SCNN1B: variants seen among roughly 807,000 people sequenced by gnomAD.
The protein encoded by SCNN1B is sodium channel epithelial 1 subunit beta.
SCNN1B carries 46 observed loss-of-function variants against 65.3 expected under a neutral mutation model. That is an observed-to-expected ratio of 0.70 (90% CI 0.56 to 0.90). SCNN1B has a LOEUF of 0.90. SCNN1B is among the 40% of genes least tolerant of loss of function. The probability of loss-of-function intolerance (pLI) is 0.00; values close to 1 mark genes in which losing one functional copy is unlikely to be tolerated. For synonymous variants in SCNN1B, 349 were observed against 330.6 expected (o/e 1.06, Z -0.60); for missense variants, 751 against 830.5 (o/e 0.90, Z 1.18).
rs1961560499 is a variant in SCNN1B, at chr16:23,320,294, G to A, written c.-9+17857G>A. Among the ~76,000 whole-genome samples the A allele has an allele frequency of 2.0e-5, 3 of 152,266 alleles. No homozygotes were observed. In the South Asian group the frequency reaches 6.2e-4, roughly 32 times the overall value. On this transcript the variant is annotated intron_variant, in intron 1 of 12. Coordinates refer to ENST00000343070, the MANE Select transcript of SCNN1B (RefSeq NM_000336.3). ...GCTAGTTAAAACCCAGAGGCCTCGG[G>A]GGAAGACTGAGGATTTCCCTTTCTA...
upstream of SCNN1B, among the ~76,000 whole-genome samples, chr16:23,297,896 G>A (rs1056353450): frequency 6.6e-6 from 1 of 152,142 alleles, no homozygotes; most frequent in Admixed American, 6.6e-5. Flanking sequence ...ATGAATGGAT[G>A]TTTGGTGTCC....
At chr16:23,369,278 T>A (rs1256351737) in intron 5 of SCNN1B, among the ~76,000 whole-genome samples, 1 of 152,010 alleles carries the variant, frequency 6.6e-6, no homozygotes, top group Admixed American at 6.5e-5. Context: ...GAGATAAGGT[T>A]TCATCCTGTT....
chr16:23,306,727 C>A (rs1182459269), intron 1 of SCNN1B, among the ~76,000 whole-genome samples: 2 of 152,106 alleles, frequency 1.3e-5, no homozygotes, highest in Non-Finnish European at 2.9e-5. Flanking sequence ...GCATTCCACA[C>A]AGTGGAAACA....
chr16:23,343,641 AAGAAAG>A (rs1168495500), intron 1 of SCNN1B, among the ~76,000 whole-genome samples: 2 of 135,518 alleles, frequency 1.5e-5, no homozygotes, highest in Non-Finnish European at 3.2e-5. Context: ...GAAAGAAAGA[AAGAAAG>A]AAAAAAAGAA....
intron 1 of SCNN1B, among the ~76,000 whole-genome samples, chr16:23,322,111 C>G (rs1458918767): frequency 6.6e-6 from 1 of 152,098 alleles, no homozygotes; most frequent in Non-Finnish European, 1.5e-5. Flanking sequence ...TGGAGCCTTC[C>G]AGATACAACA....
chr16:23,343,647 G>GAAAA (rs1217318770), intron 1 of SCNN1B, among the ~76,000 whole-genome samples: 1 of 110,036 alleles, frequency 9.1e-6, no homozygotes, highest in African/African-American at 3.8e-5. Flanking sequence ...AAGAAAGAAA[G>GAAAA]AAAAAAAGAA....
At chr16:23,373,212 G>A (rs1962821795) in intron 7 of SCNN1B, among the ~76,000 whole-genome samples, 1 of 152,164 alleles carries the variant, frequency 6.6e-6, no homozygotes, top group Non-Finnish European at 1.5e-5. Context: ...TCGAACTCTT[G>A]GATTCAAGCA....
chr16:23,371,404 T>C lies in SCNN1B; in HGVS notation c.986T>C (p.Ile329Thr), dbSNP rs1596882546. The change falls in exon 6 of 13, where the codon ATC becomes ACC. Residue 329 changes from isoleucine to threonine, a missense_variant. Coordinates refer to ENST00000343070, the MANE Select transcript of SCNN1B (RefSeq NM_000336.3). ...CACGAGCAGAGGTCATACCCCTTCA[T>C]CAGAGATGAGGGCATCTACGCCATG... ...MLHEQRSYPF[I>T]RDEGIYAMSG... The C allele has an allele frequency of 1.9e-6, 3 of 1,613,964 alleles. No homozygotes were observed. Among genetic ancestry groups the C allele is most frequent in the African/African-American group, 1.3e-5 (1 of 74,906 alleles).
chr16:23,360,702 T>C (rs1596872601), intron 4 of SCNN1B, among the ~76,000 whole-genome samples: 1 of 151,772 alleles, frequency 6.6e-6, no homozygotes, highest in Admixed American at 6.6e-5. Flanking sequence ...TTCAAGTGAT[T>C]ATCGTGTCTC....
chr16:23,356,379 C>A (rs1486600405), intron 4 of SCNN1B, among the ~76,000 whole-genome samples: 1 of 152,158 alleles, frequency 6.6e-6, no homozygotes, highest in African/African-American at 2.4e-5. Context: ...AATCCCAGCA[C>A]TTTGGGAGGC....
At chr16:23,360,451 A>AG (rs1286829968) in intron 4 of SCNN1B, among the ~76,000 whole-genome samples, 1 of 152,008 alleles carries the variant, frequency 6.6e-6, no homozygotes, top group African/African-American at 2.4e-5. Context: ...CTGGAGGCTG[A>AG]GGGGGAAGGA....
chr16:23,309,179 C>T (rs896199384), intron 1 of SCNN1B, among the ~76,000 whole-genome samples: 1 of 152,020 alleles, frequency 6.6e-6, no homozygotes, highest in African/African-American at 2.4e-5. Flanking sequence ...TGGTGGAGTT[C>T]CTAGAACTAT....
At position 23,378,599 on chromosome 16, in the gene SCNN1B, G is replaced by A. The variant is rs1356990593; in HGVS notation, c.1405-107G>A. The A allele has an allele frequency of 3.2e-6, 3 of 947,284 alleles. No individual in the cohort carries two copies. The African/African-American group carries it at 4.8e-5, about 15-fold the overall frequency. The allele number at this position is 947,284 out of a possible 1,614,324, so 58.7% of individuals were successfully genotyped here. A position where few individuals can be genotyped will look rare whatever the true frequency, so the allele number is the denominator to read the frequency against. On this transcript the variant is annotated intron_variant, in intron 10 of 12. Transcript: ENST00000343070. Reference sequence around the variant, plus strand: ...CATCCAAATTGTGATTCCCCCGGGGGCCTCAGGAAGGGACAGGGCTGTGGT... The same window carrying A: ...CATCCAAATTGTGATTCCCCCGGGGACCTCAGGAAGGGACAGGGCTGTGGT...
At chr16:23,287,420 C>T (rs991611622) in intron 2 of SCNN1B, among the ~76,000 whole-genome samples, 9 of 151,944 alleles carry the variant, frequency 5.9e-5, no homozygotes, top group African/African-American at 1.5e-4. Context: ...CGGGGAAATG[C>T]TAATATGAGG....
intron 4 of SCNN1B, among the ~76,000 whole-genome samples, chr16:23,363,324 C>G (rs914015979): frequency 6.6e-6 from 1 of 152,134 alleles, no homozygotes; most frequent in African/African-American, 2.4e-5. Context: ...GAAAGTGAGG[C>G]ACGAAGACGT....
chr16:23,305,999 T>G (rs1961210147), intron 1 of SCNN1B, among the ~76,000 whole-genome samples: 1 of 152,072 alleles, frequency 6.6e-6, no homozygotes. Flanking sequence ...TCCCAACACT[T>G]TGGGAGGCTG....
rs1567300423 is a variant in SCNN1B, at chr16:23,333,112, AGGGAG to A, written c.-8-15477_-8-15473del. ...AAGAAAGGGAGGAAGGAAGGAAGGG[AGGGAG>A]GGAGGGAGGGAGGGAGGGAGGAAGG... On this transcript the variant is annotated intron_variant, in intron 1 of 12. Coordinates refer to ENST00000343070, the MANE Select transcript of SCNN1B (RefSeq NM_000336.3). Among the ~76,000 whole-genome samples the A allele has an allele frequency of 4.7e-3, 401 of 85,534 alleles. 12 individuals are homozygous for A. Among genetic ancestry groups the A allele is most frequent in the African/African-American group, 0.029 (348 of 11,820 alleles). The allele number at this position is 85,534 out of a possible 152,430, so 56.1% of individuals were successfully genotyped here.
intron 11 of SCNN1B, among the ~76,000 whole-genome samples, chr16:23,379,121 A>G (rs390362): frequency 0.078 from 10,566 of 136,016 alleles, 664 homozygotes; most frequent in African/African-American, 0.21. Flanking sequence ...CCACCCACAC[A>G]CCCAGCCATC....
chr16:23,326,286 A>ATAT (rs1251220694), intron 1 of SCNN1B, among the ~76,000 whole-genome samples: 1 of 152,020 alleles, frequency 6.6e-6, no homozygotes, highest in Non-Finnish European at 1.5e-5. Flanking sequence ...TGCAAGCAAT[A>ATAT]TATGTTCATT....
Sources: allele counts gnomAD v4.1 joint callset (sites outside exome capture counted in the v4.1 genomes callset), GRCh38; gene constraint gnomAD v4.1.1; transcripts MANE v1.5; gene names NCBI Gene and HGNC (gene_info 2026-07-23, HGNC 2026-07-21).